Variants in GIT2 observed in about 807,000 individuals in gnomAD.
The protein encoded by GIT2 is GIT ArfGAP 2, also known as ARF GTPase-activating protein GIT2.
A neutral mutation model predicts 100.3 loss-of-function variants in GIT2; 32 were observed. The observed-to-expected ratio is 0.32, with a 90% CI of 0.24 to 0.43. GIT2 has a LOEUF of 0.43. Among genes scored for constraint, GIT2 ranks in the 20% least tolerant of loss-of-function variants. The pLI is 1.00. For missense variants in GIT2, 737 were observed against 975.1 expected (o/e 0.76, Z 3.25); for synonymous variants, 353 against 364.1 (o/e 0.97, Z 0.35).
In GIT2 at chr12:109,957,506, TGTA is replaced by T. The variant is rs1329968477; in HGVS notation, c.1099+2338_1099+2340del. 2.0e-5 allele frequency among the ~76,000 whole-genome samples: 3 copies of T among 150,516 alleles called. No individual in the cohort carries two copies. In the East Asian group the frequency reaches 5.8e-4, roughly 29 times the overall value. ...ATATTCTTTTAAAAAAAGATAAGTA[TGTA>T]TTTTTTTTTTTTTTTGAGACGGAGT... On this transcript the variant is annotated intron_variant, in intron 12 of 19. Coordinates refer to ENST00000355312, the MANE Select transcript of GIT2 (RefSeq NM_057169.5).
chr12:109,948,232 G>A lies in GIT2; in HGVS notation c.1393-728C>T. On this transcript the variant is annotated intron_variant, in intron 14 of 19. Transcript: ENST00000355312. This position sits in a 1 kb window ranked among gnomAD's most constrained non-coding sequence, Gnocchi z 4.3. ...ATCTATGGAATTGACATCTTCGCAT[G>A]GATGCTCCACGCAGCACGCTTGCTT... The A allele has an allele frequency of 1.0e-6, 1 of 985,698 alleles. No homozygotes were observed. Among genetic ancestry groups the A allele is most frequent in the Middle Eastern group, 5.2e-4 (1 of 1,918 alleles). 61.1% of individuals were successfully genotyped at this position (985,698 alleles called of 1,614,324 possible). A position where few individuals can be genotyped will look rare whatever the true frequency, so the allele number is the denominator to read the frequency against.
At chr12:109,952,984 G>T in intron 13 of GIT2, 108 bp downstream of exon 13, 2 of 1,036,016 alleles carry the variant, frequency 1.9e-6, no homozygotes, top group Non-Finnish European at 2.9e-6. Flanking sequence ...TTTCACCTTT[G>T]CTTGGCCTGA....
rs1871413592 is a variant in GIT2 at position 109,930,228 on chromosome 12, C to T, written c.*2750G>A. The T allele has an allele frequency of 6.6e-6, 1 of 152,578 alleles. No individual in the cohort carries two copies. The highest frequency in any genetic ancestry group is 1.5e-5 in the Non-Finnish European group (1 of 68,036). The allele number at this position is 152,578 out of a possible 1,614,324, so 9.5% of individuals were successfully genotyped here. A position where few individuals can be genotyped will look rare whatever the true frequency, so the allele number is the denominator to read the frequency against. The stretch of plus-strand genomic sequence containing the variant: ...TTGGCAAATAAGAACTATTTGCATT[C>T]CAAGGCAGATGACGATTTCTGTGAA... On this transcript the variant is annotated 3_prime_UTR_variant, in exon 20 of 20. Coordinates refer to ENST00000355312, the MANE Select transcript of GIT2 (RefSeq NM_057169.5).
At chr12:109,951,581 C>G (rs1877871567) in intron 13 of GIT2, among the ~76,000 whole-genome samples, 1 of 152,186 alleles carries the variant, frequency 6.6e-6, no homozygotes, top group African/African-American at 2.4e-5. Context: ...GAGGTCTGTC[C>G]TGTCTTGTAA....
intron 12 of GIT2, among the ~76,000 whole-genome samples, chr12:109,954,852 C>T (rs7978421): frequency 0.07 from 10,542 of 150,006 alleles, 605 homozygotes; most frequent in African/African-American, 0.15. Context: ...TGAGCCAAGA[C>T]TATGCCACTG....
chr12:109,998,025 T>C (rs766911299), upstream of GIT2: 5 of 152,196 alleles, frequency 3.3e-5, no homozygotes, highest in Non-Finnish European at 7.4e-5. Context: ...AGCAAAACGA[T>C]GTGGTTCCTG....
intron 12 of GIT2, chr12:109,954,277 G>A (rs1404139882): frequency 1.3e-5 from 2 of 149,622 alleles, no homozygotes; most frequent in South Asian, 2.1e-4. Context: ...CAACCTGGGC[G>A]ACAGAGCAAG....
At chr12:109,936,310 T>C (rs1872960943) in intron 18 of GIT2, among the ~76,000 whole-genome samples, 1 of 149,384 alleles carries the variant, frequency 6.7e-6, no homozygotes, top group African/African-American at 2.5e-5. Context: ...TTGAATGGAT[T>C]TGTAAATTTT....
At chr12:109,984,987 C>T (rs113888891) in intron 4 of GIT2, among the ~76,000 whole-genome samples, 104 of 152,154 alleles carry the variant, frequency 6.8e-4, no homozygotes, top group African/African-American at 2.3e-3. Context: ...CGTGATATAC[C>T]GAATTCTGTA....
Position 109,996,321 on chromosome 12 carries a change from G to C in GIT2, c.-97C>G. The C allele has an allele frequency of 1.2e-6, 1 of 809,054 alleles. No individual in the cohort carries two copies. Among genetic ancestry groups the C allele is most frequent in the Non-Finnish European group, 1.9e-6 (1 of 525,336 alleles). 50.1% of individuals were successfully genotyped at this position (809,054 alleles called of 1,614,324 possible). On this transcript the variant is annotated 5_prime_UTR_variant, in exon 1 of 20. Transcript: ENST00000355312. ...CGCTCTAACGGGTCCCAGCTGCGGC[G>C]GCGCTGACGGCGGCGCCTCTCCCCT...
intron 1 of GIT2, among the ~76,000 whole-genome samples, chr12:109,994,075 C>CAAAAAAA (rs34393850): frequency 3.4e-5 from 2 of 59,678 alleles, no homozygotes; most frequent in African/African-American, 5.5e-5. Flanking sequence ...ACACTAATGG[C>CAAAAAAA]AAAAAAAAAA....
rs141765641 is a variant in GIT2, at chr12:109,972,793, A to G, written c.719-5290T>C. On this transcript the variant is annotated intron_variant, in intron 7 of 19. Coordinates refer to ENST00000355312, the MANE Select transcript of GIT2 (RefSeq NM_057169.5). ...TTCAAATATTAAATCAGTCTTGCCT[A>G]TCTGGAAATCCCACTTGGTTATGTT... Among the ~76,000 whole-genome samples the G allele has an allele frequency of 9.5e-4, 144 of 152,016 alleles. 2 individuals carry two copies. The highest frequency in any genetic ancestry group is 3.4e-3 in the African/African-American group (139 of 41,482).
intron 17 of GIT2, chr12:109,938,952 T>C (rs1218504248): frequency 1.8e-6 from 1 of 549,184 alleles, no homozygotes; most frequent in East Asian, 3.1e-5. Flanking sequence ...TAGAGACACA[T>C]AACATGCTGG....
At chr12:109,941,546 T>TTAA (rs1874695980) in intron 16 of GIT2, among the ~76,000 whole-genome samples, 2 of 151,940 alleles carry the variant, frequency 1.3e-5, no homozygotes, top group African/African-American at 4.8e-5. Context: ...TTTTTTGAGA[T>TTAA]TGAGTTTCAC....
intron 13 of GIT2, among the ~76,000 whole-genome samples, chr12:109,951,988 G>A (rs928007682): frequency 2.0e-5 from 3 of 152,174 alleles, no homozygotes; most frequent in South Asian, 2.1e-4. Flanking sequence ...GACTGGGCAG[G>A]AGGCCAGGCG....
intron 7 of GIT2, among the ~76,000 whole-genome samples, chr12:109,970,543 C>T (rs1422792707): frequency 6.6e-6 from 1 of 152,144 alleles, no homozygotes; most frequent in Non-Finnish European, 1.5e-5. Flanking sequence ...TCCTCCACCA[C>T]TGAACTGATT....
rs979938344 is a variant in GIT2 at position 109,988,034 on chromosome 12, C to T, written c.405+929G>A. ...CTGAAGAAGTCCCCTTCCTTTAGTA[C>T]TTTTTCTAGTCCTTATTAAAAAGAA... On this transcript the variant is annotated intron_variant, in intron 4 of 19. Transcript: ENST00000355312. Among the ~76,000 whole-genome samples the T allele has an allele frequency of 1.2e-4, 18 of 152,164 alleles. 1 individual carries two copies. Among genetic ancestry groups the T allele is most frequent in the Admixed American group, 1.0e-3 (16 of 15,266 alleles).
At chr12:109,967,678 T>C (rs192102355) in intron 7 of GIT2, among the ~76,000 whole-genome samples, 175 bp from the exon 8 acceptor site, 1 of 152,338 alleles carries the variant, frequency 6.6e-6, no homozygotes, top group Admixed American at 6.5e-5. Context: ...GTAAGGCTCA[T>C]AGCCTTGTTT....
intron 9 of GIT2, 43 bp downstream of exon 9, chr12:109,965,483 C>G (rs1261746047): frequency 8.5e-7 from 1 of 1,179,172 alleles, no homozygotes. Context: ...GCAGGGTGCA[C>G]TGATTCTCAT....
Sources: allele counts gnomAD v4.1 joint callset (sites outside exome capture counted in the v4.1 genomes callset), GRCh38; gene constraint gnomAD v4.1.1; non-coding constraint Gnocchi (gnomAD v3.1); transcripts MANE v1.5; gene names NCBI Gene and HGNC (gene_info 2026-07-23, HGNC 2026-07-21).